Variants in LRFN5 observed in about 807,000 individuals in gnomAD.
LRFN5 encodes leucine-rich repeat and fibronectin type-III domain-containing protein 5.
Under a neutral mutation model 45.6 loss-of-function variants are expected in LRFN5, and 24 were observed. The ratio of observed to expected loss-of-function variants is 0.53; its 90% CI spans 0.38 to 0.74. LRFN5 has a LOEUF of 0.74. LRFN5 is among the 30% of genes least tolerant of loss of function. The pLI, the probability that LRFN5 is intolerant of heterozygous loss-of-function variation, is 0.00. For synonymous variants in LRFN5, 340 were observed against 313.8 expected (o/e 1.08, Z -0.88); for missense variants, 776 against 861.5 (o/e 0.90, Z 1.24).
chr14:41,794,940 T>G lies in LRFN5; in HGVS notation c.-21+27911T>G, dbSNP rs908321275. Reference sequence around the variant, plus strand: ...ATAAATATTTAAATATATATGTCAGTAGGTGTGTATATATACAAATATAGA... The same window carrying G: ...ATAAATATTTAAATATATATGTCAGGAGGTGTGTATATATACAAATATAGA... On this transcript the variant is annotated intron_variant, in intron 2 of 5. Transcript: ENST00000298119. Among the ~76,000 whole-genome samples, 40 of 152,038 alleles carry G rather than the reference T, an allele frequency of 2.6e-4. No homozygotes were observed. The Middle Eastern group carries it at 0.01, about 39-fold the overall frequency.
chr14:41,756,572 G>T (rs1885395389), intron 1 of LRFN5, among the ~76,000 whole-genome samples: 1 of 152,006 alleles, frequency 6.6e-6, no homozygotes, highest in Non-Finnish European at 1.5e-5. Flanking sequence ...TTGTGCATTG[G>T]TCCCGTAGTT....
chr14:41,639,949 ATTTTTTTTTTT>A (rs34020254), intron 1 of LRFN5, among the ~76,000 whole-genome samples: 71 of 68,090 alleles, frequency 1.0e-3, no homozygotes, highest in African/African-American at 3.8e-3. Context: ...TGACTGGCTA[ATTTTTTTTTTT>A]TTTTTTTTTT....
chr14:41,902,447 A>G (rs932976964), intron 5 of LRFN5, among the ~76,000 whole-genome samples: 2 of 151,840 alleles, frequency 1.3e-5, no homozygotes, highest in Admixed American at 6.6e-5. Context: ...ATATTCTATT[A>G]AATGCCAGTT....
chr14:41,819,202 G>A (rs1422272552), intron 2 of LRFN5, among the ~76,000 whole-genome samples: 1 of 152,110 alleles, frequency 6.6e-6, no homozygotes, highest in Non-Finnish European at 1.5e-5. Flanking sequence ...CAGTGCAGGT[G>A]TCACTTTTAT....
intron 2 of LRFN5, among the ~76,000 whole-genome samples, chr14:41,781,584 GAAAGAA>G (rs1422772726): frequency 5.1e-5 from 6 of 117,350 alleles, no homozygotes; most frequent in Non-Finnish European, 8.9e-5. Context: ...AAGAAAGAAA[GAAAGAA>G]AGAAAGAAAG....
intron 2 of LRFN5, among the ~76,000 whole-genome samples, chr14:41,815,449 C>A (rs946658442): frequency 6.6e-6 from 1 of 152,034 alleles, no homozygotes; most frequent in African/African-American, 2.4e-5. Context: ...AAGTGGGTTT[C>A]TTGTCTAGAT....
At chr14:41,641,230 G>A (rs909201009) in intron 1 of LRFN5, among the ~76,000 whole-genome samples, 34 of 152,124 alleles carry the variant, frequency 2.2e-4, no homozygotes, top group African/African-American at 7.2e-4. Context: ...AGGTCTAAAA[G>A]GACATTGGAT....
chr14:41,672,339 CTTTA>C (rs1030083166), intron 1 of LRFN5, among the ~76,000 whole-genome samples: 8 of 152,222 alleles, frequency 5.3e-5, no homozygotes, highest in East Asian at 1.9e-4. Flanking sequence ...TCCTCCTTCT[CTTTA>C]TTTATTAAAA....
chr14:41,883,866 A>T (rs959039782), intron 2 of LRFN5, among the ~76,000 whole-genome samples: 1 of 152,084 alleles, frequency 6.6e-6, no homozygotes, highest in African/African-American at 2.4e-5. Flanking sequence ...AGTTCTTTAA[A>T]TATATTTCTG....
chr14:41,662,989 T>C (rs1880726652), intron 1 of LRFN5, among the ~76,000 whole-genome samples: 1 of 152,072 alleles, frequency 6.6e-6, no homozygotes, highest in African/African-American at 2.4e-5. Flanking sequence ...GACATGTGAA[T>C]CATAAGGGTG....
chr14:41,756,611 G>A (rs1411743458), intron 1 of LRFN5, among the ~76,000 whole-genome samples: 1 of 152,046 alleles, frequency 6.6e-6, no homozygotes, highest in Non-Finnish European at 1.5e-5. Flanking sequence ...TCTCCATCAC[G>A]TCCTTTAAGG....
intron 1 of LRFN5, among the ~76,000 whole-genome samples, chr14:41,670,303 A>G (rs1274422516): frequency 9.8e-5 from 3 of 30,464 alleles, no homozygotes; most frequent in African/African-American, 5.4e-4. Context: ...ATATATATAT[A>G]TACACACACA....
chr14:41,804,187 C>T (rs143306721), intron 2 of LRFN5, among the ~76,000 whole-genome samples: 95 of 151,864 alleles, frequency 6.3e-4, no homozygotes, highest in African/African-American at 2.2e-3. Context: ...CTCAAATCAG[C>T]CTCCCTGAAA....
chr14:41,706,163 C>G (rs1321542317), intron 1 of LRFN5, among the ~76,000 whole-genome samples: 1 of 151,802 alleles, frequency 6.6e-6, no homozygotes, highest in Non-Finnish European at 1.5e-5. Flanking sequence ...TGCAATGGTG[C>G]GATCTTGGCT....
intron 2 of LRFN5, among the ~76,000 whole-genome samples, chr14:41,881,959 G>A (rs1290298762): frequency 6.6e-6 from 1 of 152,026 alleles, no homozygotes; most frequent in Non-Finnish European, 1.5e-5. Flanking sequence ...GGGTGTCTCT[G>A]GATCTGCTTC....
chr14:41,808,201 A>G (rs1345856142), intron 2 of LRFN5, among the ~76,000 whole-genome samples: 1 of 62,948 alleles, frequency 1.6e-5, no homozygotes, highest in Non-Finnish European at 3.6e-5. Flanking sequence ...AGTAGAGGGA[A>G]GGAAGGAAGG....
intron 1 of LRFN5, among the ~76,000 whole-genome samples, chr14:41,735,606 A>C (rs2138806176): frequency 6.6e-6 from 1 of 152,212 alleles, no homozygotes; most frequent in South Asian, 2.1e-4. Flanking sequence ...AGTTTTACTA[A>C]TTTTTATTAT....
chr14:41,628,897 A>G (rs1888439622), intron 1 of LRFN5, among the ~76,000 whole-genome samples: 1 of 152,106 alleles, frequency 6.6e-6, no homozygotes, highest in South Asian at 2.1e-4. Context: ...CATACTACAT[A>G]AGGCACAGAG....
At chr14:41,849,309 T>A (rs1566482107) in intron 2 of LRFN5, among the ~76,000 whole-genome samples, 1 of 152,004 alleles carries the variant, frequency 6.6e-6, no homozygotes, top group East Asian at 1.9e-4. Flanking sequence ...CATCCCTAGG[T>A]CTTCATCTTT....
Sources: allele counts gnomAD v4.1 joint callset (sites outside exome capture counted in the v4.1 genomes callset), GRCh38; gene constraint gnomAD v4.1.1; transcripts MANE v1.5; gene names NCBI Gene and HGNC (gene_info 2026-07-23, HGNC 2026-07-21).